Variants in STAB2 observed in about 807,000 individuals in gnomAD.
STAB2 encodes the protein stabilin-2.
STAB2 carries 288 observed loss-of-function variants against 338.1 expected under a neutral mutation model. The ratio of observed to expected loss-of-function variants is 0.85; its 90% CI spans 0.77 to 0.94. The LOEUF (loss-of-function observed/expected upper bound fraction) is 0.94, where lower values mean the gene tolerates loss of function less well. STAB2 is among the 40% of genes least tolerant of loss of function. The pLI, the probability that STAB2 is intolerant of heterozygous loss-of-function variation, is 0.00. For synonymous variants in STAB2, 1,202 were observed against 1,193.3 expected, an observed-to-expected ratio of 1.01 and a Z score of -0.15; for missense variants, 3,141 against 3,210.1, an observed-to-expected ratio of 0.98 and a Z score of 0.52.
At chr12:103,658,898 A>G (rs571593074) in intron 15 of STAB2, among the ~76,000 whole-genome samples, 2 of 152,320 alleles carry the variant, frequency 1.3e-5, no homozygotes, top group South Asian at 4.1e-4. Flanking sequence ...ATGTTTCCCA[A>G]CAGTCCCCAC....
At chr12:103,746,412 G>A in intron 57 of STAB2, 185 bp from the exon 58 acceptor site, 2 of 588,718 alleles carry the variant, frequency 3.4e-6, no homozygotes, top group Non-Finnish European at 3.1e-6. Context: ...CTATAAAAGA[G>A]TAATTCTAGA....
chr12:103,756,150 CT>C (rs1189779169), intron 63 of STAB2, among the ~76,000 whole-genome samples: 2 of 152,180 alleles, frequency 1.3e-5, no homozygotes, highest in Non-Finnish European at 2.9e-5. Context: ...TTAGCTAAGC[CT>C]GCCTGGTGAT....
At chr12:103,692,969 TA>T in intron 31 of STAB2, 80 bp downstream of exon 31, 3 of 1,159,784 alleles carry the variant, frequency 2.6e-6, no homozygotes, top group Non-Finnish European at 3.7e-6. Context: ...TTTTTTTTTT[TA>T]AATAGAAAAA....
intron 60 of STAB2, 32 bp from the exon 61 acceptor site, chr12:103,753,188 G>A (rs1411109840): frequency 6.2e-7 from 1 of 1,611,804 alleles, no homozygotes; most frequent in East Asian, 2.2e-5. Context: ...CTGGTGGGCT[G>A]ACCTGGGCGA....
intron 52 of STAB2, among the ~76,000 whole-genome samples, chr12:103,735,918 C>T (rs1440639842): frequency 6.6e-6 from 1 of 152,136 alleles, no homozygotes; most frequent in Non-Finnish European, 1.5e-5. Flanking sequence ...ATTCCTTTCT[C>T]TTCCTTCCCA....
intron 42 of STAB2, among the ~76,000 whole-genome samples, chr12:103,715,388 C>CT (rs1392255161): frequency 6.6e-6 from 1 of 152,170 alleles, no homozygotes; most frequent in African/African-American, 2.4e-5. Flanking sequence ...TGTTCCCCCT[C>CT]AAAATATGCT....
chr12:103,590,492 C>G (rs746827683), intron 1 of STAB2, among the ~76,000 whole-genome samples: 2 of 152,226 alleles, frequency 1.3e-5, no homozygotes, highest in African/African-American at 2.4e-5. Flanking sequence ...TCCTTGAGAT[C>G]TGCTGATCTA....
intron 3 of STAB2, among the ~76,000 whole-genome samples, chr12:103,605,986 C>A (rs1046695573): frequency 1.3e-5 from 2 of 152,074 alleles, no homozygotes; most frequent in East Asian, 3.9e-4. Flanking sequence ...ATATTTAATG[C>A]GTTAGGTTTA....
chr12:103,763,839 C>T (rs1973658), intron 68 of STAB2: 7 of 419,516 alleles, frequency 1.7e-5, no homozygotes, highest in East Asian at 3.9e-5. Context: ...CAGAGACAGG[C>T]GAGAACAAGA....
chr12:103,605,271 T>C (rs1413231533), intron 3 of STAB2, among the ~76,000 whole-genome samples: 2 of 151,970 alleles, frequency 1.3e-5, no homozygotes, highest in Non-Finnish European at 2.9e-5. Flanking sequence ...TTTAATTCTA[T>C]TGTGGTCAGA....
intron 60 of STAB2, among the ~76,000 whole-genome samples, chr12:103,751,353 C>A (rs1883630925): frequency 6.6e-6 from 1 of 152,066 alleles, no homozygotes; most frequent in Non-Finnish European, 1.5e-5. Flanking sequence ...AGGCTGTGAC[C>A]CCCTAGTGGC....
Position 103,753,324 on chromosome 12 carries a change from A to T in STAB2, c.6685A>T (p.Thr2229Ser), listed in dbSNP as rs1200049256. ...TGCCAACGAAGCTGCGACCATGGCAACCTACAACCAGCTCTCCTATGCCCA... is the reference window on the plus strand; with the variant it reads ...TGCCAACGAAGCTGCGACCATGGCATCCTACAACCAGCTCTCCTATGCCCA... The part of the protein sequence containing the change: ...ACANEAATMA[T>S]YNQLSYAQKA... Residue 2229 changes from threonine to serine, a missense_variant, in exon 61 of 69, where the codon ACC becomes TCC. By Grantham distance (58) the Thr-to-Ser change is moderately conservative. Coordinates refer to ENST00000388887, the MANE Select transcript of STAB2 (RefSeq NM_017564.10). 4 of 1,614,124 alleles carry T rather than the reference A, an allele frequency of 2.5e-6. No homozygotes were observed. The highest frequency in any genetic ancestry group is 1.3e-5 in the African/African-American group (1 of 74,940).
intron 6 of STAB2, among the ~76,000 whole-genome samples, chr12:103,636,730 T>C (rs1256794197): frequency 1.3e-5 from 2 of 152,146 alleles, no homozygotes; most frequent in Non-Finnish European, 2.9e-5. Context: ...GATGTCAGAC[T>C]CTTCATAGCT....
intron 55 of STAB2, among the ~76,000 whole-genome samples, chr12:103,741,366 G>GT (rs1187541287): frequency 2.0e-5 from 3 of 152,174 alleles, no homozygotes; most frequent in African/African-American, 7.2e-5. Flanking sequence ...CATTTATTGA[G>GT]TTTTATTGAG....
chr12:103,755,111 T>C (rs1339078310), intron 61 of STAB2, 191 bp from the exon 62 acceptor site: 1 of 671,472 alleles, frequency 1.5e-6, no homozygotes, highest in African/African-American at 1.8e-5. Context: ...GAGGACACTT[T>C]TGTTCACCCA....
Position 103,648,695 on chromosome 12 carries a change from T to G in STAB2, c.1046T>G (p.Ile349Ser), listed in dbSNP as rs771026123. Residue 349 changes from isoleucine to serine, a missense_variant, in exon 10 of 69, where the codon ATT (isoleucine) becomes AGT (serine). Physicochemically the swap from Ile to Ser is moderately radical, Grantham distance 142 (BLOSUM62 -2). Coordinates refer to ENST00000388887, the MANE Select transcript of STAB2 (RefSeq NM_017564.10). ...TCTTTTCCCCCTCTCTGTAGATGCA[T>G]TTGCCAGAAAGGTTACGTGGGTGAT... is the stretch of plus-strand genomic sequence containing the variant. Reference protein sequence around the residue: ...TTVAPGRTECICQKGYVGDGL... With the variant: ...TTVAPGRTECSCQKGYVGDGL... The G allele has an allele frequency of 2.5e-6, 4 of 1,613,750 alleles. No individual in the cohort carries two copies. The highest frequency in any genetic ancestry group is 1.7e-5 in the Admixed American group (1 of 59,976).
chr12:103,703,396 ATGAGTATCT>A, intron 35 of STAB2, 120 bp downstream of exon 35: 1 of 1,273,134 alleles, frequency 7.9e-7, no homozygotes, highest in Non-Finnish European at 1.1e-6. Flanking sequence ...AAACCACTGA[ATGAGTATCT>A]TTGATGTGCC....
intron 58 of STAB2, among the ~76,000 whole-genome samples, chr12:103,748,611 C>T (rs1191356919): frequency 0.03 from 610 of 20,024 alleles, 1 homozygote; most frequent in African/African-American, 0.085. Context: ...CACATACACA[C>T]ACACACACAC....
At chr12:103,702,362 G>A (rs1420283813) in intron 34 of STAB2, among the ~76,000 whole-genome samples, 1 of 151,154 alleles carries the variant, frequency 6.6e-6, no homozygotes, top group Admixed American at 6.6e-5. Flanking sequence ...GCAGTGGTGC[G>A]ATCTCGGCTC....
Sources: gnomAD v4.1 joint callset for allele counts (sites outside exome capture counted in the v4.1 genomes callset) on GRCh38, gnomAD v4.1.1 for gene constraint, MANE v1.5 for transcripts, NCBI Gene and HGNC (gene_info 2026-07-23, HGNC 2026-07-21) for gene names.